The following NAMPT variants were observed in gnomAD, a reference collection of about 807,000 sequenced individuals.
NAMPT encodes NAmPRTase.
Under a neutral mutation model 58.7 loss-of-function variants are expected in NAMPT, and 7 were observed. The observed-to-expected ratio is 0.12, with a 90% CI of 0.07 to 0.22. The LOEUF is 0.22. Ranked by LOEUF, NAMPT falls within the 10% of genes least tolerant of loss-of-function variation. The pLI, the probability that NAMPT is intolerant of heterozygous loss-of-function variation, is 1.00. For synonymous variants in NAMPT, 145 were observed against 198.1 expected (o/e 0.73, Z 2.25); for missense variants, 271 against 567.9 (o/e 0.48, Z 5.31).
chr7:106,285,023 G>C (rs1586032239), upstream of NAMPT: 1 of 1,430,834 alleles, frequency 7.0e-7, no homozygotes, highest in South Asian at 1.4e-5. Flanking sequence ...GAAACGGAGA[G>C]AGGGGAGGGG....
chr7:106,248,654 TAAA>T lies in NAMPT; in HGVS notation c.*2426_*2428del, dbSNP rs1792058060. ...GAAATCCTACCTCCTATTTAAGATA[TAAA>T]TACTTGATGATATAATCAATCAAGA... On this transcript the variant is annotated 3_prime_UTR_variant, in exon 11 of 11. Coordinates refer to ENST00000222553, the MANE Select transcript of NAMPT (RefSeq NM_005746.3). The T allele has an allele frequency of 6.6e-6, 1 of 152,068 alleles. No homozygotes were observed. The highest frequency in any genetic ancestry group is 6.6e-5 in the Admixed American group (1 of 15,244). 9.4% of individuals were successfully genotyped at this position (152,068 alleles called of 1,614,324 possible). A position where few individuals can be genotyped will look rare whatever the true frequency, so the allele number is the denominator to read the frequency against.
In NAMPT at chr7:106,284,924, T is replaced by C. The variant is rs746852159; in HGVS notation, c.-40A>G. 10 of 1,564,940 alleles carry C rather than the reference T, an allele frequency of 6.4e-6. No individual in the cohort carries two copies. Among genetic ancestry groups the C allele is most frequent in the Non-Finnish European group, 8.7e-6 (10 of 1,153,488 alleles). On this transcript the variant is annotated 5_prime_UTR_variant, in exon 1 of 11. Transcript: ENST00000222553. ...CAGGGGCCGCGCGCCGCGAGCTCCCTGGCGCGGCTGCGAGGAAGGAGAAAA... is the reference window on the plus strand; with the variant it reads ...CAGGGGCCGCGCGCCGCGAGCTCCCCGGCGCGGCTGCGAGGAAGGAGAAAA...
chr7:106,284,170 G>A (rs1453088712), intron 1 of NAMPT, among the ~76,000 whole-genome samples: 1 of 152,184 alleles, frequency 6.6e-6, no homozygotes, highest in Admixed American at 6.5e-5. Flanking sequence ...GGGATAAGGA[G>A]CACGAGCAAT....
intron 1 of NAMPT, among the ~76,000 whole-genome samples, chr7:106,278,425 C>T (rs550957014): frequency 4.6e-5 from 7 of 151,996 alleles, no homozygotes; most frequent in African/African-American, 1.5e-4. Flanking sequence ...AGACTTGGAG[C>T]TGTTTTCCTT....
Position 106,248,641 on chromosome 7 carries a change from C to T in NAMPT, c.*2442G>A, listed in dbSNP as rs915904017. On this transcript the variant is annotated 3_prime_UTR_variant, in exon 11 of 11. Coordinates refer to ENST00000222553, the MANE Select transcript of NAMPT (RefSeq NM_005746.3). ...GAGTCTTAACACAGAAATCCTACCT[C>T]CTATTTAAGATATAAATACTTGATG... 1.3e-5 allele frequency: 2 copies of T among 152,046 alleles called. No individual in the cohort carries two copies. Among genetic ancestry groups the T allele is most frequent in the Non-Finnish European group, 2.9e-5 (2 of 67,956 alleles). The allele number at this position is 152,046 out of a possible 1,614,324, so 9.4% of individuals were successfully genotyped here.
intron 10 of NAMPT, 69 bp downstream of exon 10, chr7:106,252,948 C>A: frequency 1.3e-6 from 2 of 1,530,032 alleles, no homozygotes; most frequent in Non-Finnish European, 1.8e-6. Flanking sequence ...ACATAAAAAC[C>A]TCCTTTCTTA....
upstream of NAMPT, chr7:106,285,132 CG>C: frequency 7.7e-7 from 1 of 1,298,784 alleles, no homozygotes. Flanking sequence ...CTCCCCACCT[CG>C]GTTCCCCCGC....
intron 6 of NAMPT, among the ~76,000 whole-genome samples, chr7:106,267,083 G>A (rs990204329): frequency 1.3e-5 from 2 of 152,146 alleles, no homozygotes; most frequent in African/African-American, 2.4e-5. Context: ...TTTACTCAGA[G>A]AATGAATAAG....
At chr7:106,274,023 A>G (rs1012048880) in intron 3 of NAMPT, among the ~76,000 whole-genome samples, 4 of 151,688 alleles carry the variant, frequency 2.6e-5, no homozygotes, top group African/African-American at 9.7e-5. Flanking sequence ...TAATAAAAGG[A>G]AACCACCACG....
chr7:106,267,424 T>C (rs1303640599), intron 6 of NAMPT, among the ~76,000 whole-genome samples: 1 of 152,230 alleles, frequency 6.6e-6, no homozygotes, highest in African/African-American at 2.4e-5. Flanking sequence ...AGCTTGATTC[T>C]AAACTCACTG....
chr7:106,267,710 G>A (rs933575580), intron 6 of NAMPT, among the ~76,000 whole-genome samples: 10 of 148,894 alleles, frequency 6.7e-5, no homozygotes, highest in African/African-American at 1.7e-4. Context: ...GCGTAGTGGC[G>A]GGCGCCTGTA....
chr7:106,277,169 T>C lies in NAMPT; in HGVS notation c.68A>G (p.Tyr23Cys). ...GCTTGTGTTGGGTGGATATTGTTTA[T>C]AGTGAGTAACCTATGTAAAGAAATA... ...LATDSYKVTH[Y>C]KQYPPNTSKV... is the part of the protein sequence containing the mutation. The change falls in exon 2 of 11, where the codon TAT becomes TGT. Residue 23 changes from tyrosine (Y) to cysteine (C), a missense_variant. This residue lies in a region of NAMPT where 103 missense variants were observed against 194.2 expected (regional missense o/e 0.53). Transcript: ENST00000222553. The C allele has an allele frequency of 2.5e-6, 4 of 1,610,750 alleles. No individual in the cohort carries two copies. The highest frequency in any genetic ancestry group is 2.5e-6 in the Non-Finnish European group (3 of 1,177,520).
intron 5 of NAMPT, 90 bp from the exon 6 acceptor site, chr7:106,268,690 A>G: frequency 1.2e-6 from 1 of 858,230 alleles, no homozygotes; most frequent in Non-Finnish European, 1.9e-6. Context: ...TAAGGAATAT[A>G]GCATAGCTCC....
chr7:106,275,430 T>C (rs940660742), intron 2 of NAMPT: 10 of 154,464 alleles, frequency 6.5e-5, no homozygotes, highest in Admixed American at 3.2e-4. Flanking sequence ...GTGGCATCTT[T>C]AGGGTTGGTA....
chr7:106,261,839 CTATG>C (rs886113721), intron 7 of NAMPT, 132 bp from the exon 8 acceptor site: 5 of 896,114 alleles, frequency 5.6e-6, no homozygotes, highest in African/African-American at 3.4e-5. Flanking sequence ...TTTTATAACA[CTATG>C]TATATGCTCT....
chr7:106,277,037 T>A lies in NAMPT; in HGVS notation c.200A>T (p.Asn67Ile), dbSNP rs1458043456. 1 of 1,586,060 alleles carries A rather than the reference T, an allele frequency of 6.3e-7. No homozygotes were observed. Residue 67 changes from asparagine to isoleucine, a missense_variant, in exon 2 of 11, where the codon AAT becomes ATT. Physicochemically the swap from Asn to Ile is moderately radical, Grantham distance 149. Coordinates refer to ENST00000222553, the MANE Select transcript of NAMPT (RefSeq NM_005746.3). The stretch of plus-strand genomic sequence containing the variant: ...AAAAGTAATACCTTTTAAGTACTTA[T>A]TAAGAATGTACTGCAACCCATAAAA... ...TVFYGLQYIL[N>I]KYLKGKVVTK...
At chr7:106,284,749 AGCCGCCCCCG>A in intron 1 of NAMPT, 69 bp downstream of exon 1, 1 of 72,262 alleles carries the variant, frequency 1.4e-5, no homozygotes, top group Non-Finnish European at 2.0e-5. Flanking sequence ...CCCCAGCCCC[AGCCGCCCCCG>A]CCCCCCTGCC....
At chr7:106,257,464 TAAA>T (rs58198836) in intron 8 of NAMPT, among the ~76,000 whole-genome samples, 18 of 125,678 alleles carry the variant, frequency 1.4e-4, no homozygotes, top group Admixed American at 2.4e-4. Context: ...TACAAAACAT[TAAA>T]AAAAAAAAAA....
rs1042819647 is a variant in NAMPT, at chr7:106,263,184, C to A, written c.969+208G>T. 3.2e-5 allele frequency: 17 copies of A among 530,980 alleles called. 1 individual carries two copies. The South Asian group carries it at 4.7e-4, about 15-fold the overall frequency. 32.9% of individuals were successfully genotyped at this position (530,980 alleles called of 1,614,324 possible). A position where few individuals can be genotyped will look rare whatever the true frequency, so the allele number is the denominator to read the frequency against. On this transcript the variant is annotated intron_variant, in intron 7 of 10. Transcript: ENST00000222553. The stretch of plus-strand genomic sequence containing the variant: ...AATATCTATTCAAATGTCTAATTGA[C>A]AGTAAAACAATCCATAAGTCTTGGT...
Sources: gnomAD v4.1 joint callset for allele counts (sites outside exome capture counted in the v4.1 genomes callset) on GRCh38, gnomAD v4.1.1 for gene constraint, gnomAD v4.1.1 regional missense constraint, MANE v1.5 for transcripts, NCBI Gene and HGNC (gene_info 2026-07-23, HGNC 2026-07-21) for gene names.